Variants in BANF1 observed in about 807,000 individuals in gnomAD.
BANF1 encodes the protein barrier to autointegration nuclear assembly factor 1, also known as barrier-to-autointegration factor.
For missense variants in BANF1, 47 were observed against 110.4 expected, an observed-to-expected ratio of 0.43 and a Z score of 2.57; for synonymous variants, 49 against 43.7, an observed-to-expected ratio of 1.12 and a Z score of -0.48.
At chr11:66,003,513 A>T in intron 2 of BANF1, 113 bp from the exon 3 acceptor site, 26 of 1,609,902 alleles carry the variant, frequency 1.6e-5, no homozygotes, top group Non-Finnish European at 2.2e-5. Flanking sequence ...GGGGGGCAAA[A>T]CCCGCGCTGC....
chr11:66,003,185 A>T, intron 1 of BANF1, 50 bp from the exon 2 acceptor site: 1 of 1,600,532 alleles, frequency 6.2e-7, no homozygotes, highest in Non-Finnish European at 8.5e-7. Flanking sequence ...GTGGGCCCTT[A>T]GAAGTTCCAG....
At chr11:66,003,047 A>C in intron 1 of BANF1, 188 bp from the exon 2 acceptor site, 1 of 636,664 alleles carries the variant, frequency 1.6e-6, no homozygotes, top group South Asian at 1.8e-5. Flanking sequence ...CAGGTCCTGC[A>C]GGAAGAAACT....
Position 66,003,664 on chromosome 11 carries a change from A to G in BANF1, c.162A>G (p.Lys54=). The G allele has an allele frequency of 6.2e-7, 1 of 1,614,148 alleles. No individual in the cohort carries two copies. Among genetic ancestry groups the G allele is most frequent in the Non-Finnish European group, 8.5e-7 (1 of 1,180,020 alleles). Residue 54 remains lysine (K), a synonymous_variant, in exon 3 of 3, where the codon AAA becomes AAG. Coordinates refer to ENST00000312175, the MANE Select transcript of BANF1 (RefSeq NM_003860.4). The part of the protein sequence containing the change: ...VVLGQFLVLK[K]DEDLFREWLK... ...TTGGCCAGTTTCTGGTGCTAAAGAA[A>G]GATGAAGACCTCTTCCGGGAATGGC...
chr11:66,003,021 G>C (rs1298688892), intron 1 of BANF1: 1 of 560,042 alleles, frequency 1.8e-6, no homozygotes, highest in Non-Finnish European at 3.2e-6. Context: ...TTTTCCTCTG[G>C]GGCAAGATCA....
chr11:66,003,104 T>C (rs1459429275), intron 1 of BANF1, 131 bp from the exon 2 acceptor site: 1 of 947,922 alleles, frequency 1.1e-6, no homozygotes, highest in Admixed American at 2.0e-5. Context: ...TGTTTTCTCC[T>C]TTCAGGATGA....
At chr11:66,003,185 A>G in intron 1 of BANF1, 50 bp from the exon 2 acceptor site, 2 of 1,600,536 alleles carry the variant, frequency 1.2e-6, no homozygotes, top group Non-Finnish European at 1.7e-6. Flanking sequence ...GTGGGCCCTT[A>G]GAAGTTCCAG....
intron 2 of BANF1, 125 bp from the exon 3 acceptor site, chr11:66,003,501 G>GA (rs1448936567): frequency 5.0e-6 from 8 of 1,608,982 alleles, no homozygotes; most frequent in Middle Eastern, 3.3e-4. Context: ...GTGGAGAGGA[G>GA]AGGGGGGCAA....
chr11:66,004,148 G>C lies in BANF1; in HGVS notation c.*376G>C. The C allele has an allele frequency of 2.9e-6, 1 of 344,464 alleles. No individual in the cohort carries two copies. Among genetic ancestry groups the C allele is most frequent in the Non-Finnish European group, 5.6e-6 (1 of 177,672 alleles). 21.3% of individuals were successfully genotyped at this position (344,464 alleles called of 1,614,324 possible). Reference sequence around the variant, plus strand: ...GATCAATAAAGTCAGTGGCTTTCATGACTGGGCTTTGTGCACTGAAAAGCA... The same window carrying C: ...GATCAATAAAGTCAGTGGCTTTCATCACTGGGCTTTGTGCACTGAAAAGCA... On this transcript the variant is annotated 3_prime_UTR_variant, in exon 3 of 3. Transcript: ENST00000312175.
intron 2 of BANF1, 113 bp from the exon 3 acceptor site, chr11:66,003,513 A>G (rs1195361376): frequency 1.2e-6 from 2 of 1,609,784 alleles, no homozygotes; most frequent in Non-Finnish European, 8.5e-7. Context: ...GGGGGGCAAA[A>G]CCCGCGCTGC....
Position 66,003,322 on chromosome 11 carries a change from T to G in BANF1, c.72T>G (p.Ala24=), listed in dbSNP as rs137937738. 21 of 1,613,234 alleles carry G rather than the reference T, an allele frequency of 1.3e-5. No homozygotes were observed. The African/African-American group carries it at 2.4e-4, about 19-fold the overall frequency. Residue 24 remains alanine (A), a synonymous_variant, in exon 2 of 3, where the codon GCT becomes GCG. Coordinates refer to ENST00000312175, the MANE Select transcript of BANF1 (RefSeq NM_003860.4). The stretch of plus-strand genomic sequence containing the variant: ...GGGAGAAGCCAGTGGGGAGCCTGGC[T>G]GGGATTGGTGAAGTCCTGGGCAAGA... ...PMGEKPVGSL[A]GIGEVLGKKL... is the part of the protein sequence containing the mutation.
rs769171254 is a variant in BANF1, at chr11:66,003,610, T to C, written c.124-16T>C. 1 of 1,614,124 alleles carries C rather than the reference T, an allele frequency of 6.2e-7. No homozygotes were observed. The highest frequency in any genetic ancestry group is 1.1e-5 in the South Asian group (1 of 91,080). ...AGCACTGAGCAGCACGCTCCTTCCTTTTCCCTGTTTTGCAGGCCTATGTTG... is the reference window on the plus strand; with the variant it reads ...AGCACTGAGCAGCACGCTCCTTCCTCTTCCCTGTTTTGCAGGCCTATGTTG... On this transcript the variant is annotated splice_polypyrimidine_tract_variant and intron_variant, in intron 2 of 2. Transcript: ENST00000312175.
rs886048517 is a variant in BANF1 at position 66,003,836 on chromosome 11, T to A, written c.*64T>A. ...GAGTTTGCAGCCGAGTAGGGACTCC[T>A]CCCCTGTCCTCTACGAAGGAAAAGA... On this transcript the variant is annotated 3_prime_UTR_variant, in exon 3 of 3. Transcript: ENST00000312175. The A allele has an allele frequency of 8.7e-6, 14 of 1,605,732 alleles. No individual in the cohort carries two copies. The highest frequency in any genetic ancestry group is 2.0e-4 in the Middle Eastern group (1 of 5,082).
intron 1 of BANF1, 86 bp from the exon 2 acceptor site, chr11:66,003,149 G>C: frequency 2.7e-6 from 4 of 1,463,880 alleles, no homozygotes; most frequent in Non-Finnish European, 3.8e-6. Context: ...CCCCTGGCTT[G>C]GCTTCCTCTT....
rs1013739012 is a variant in BANF1, at chr11:66,003,216, T to A, written c.-16-19T>A. On this transcript the variant is annotated intron_variant, in intron 1 of 2. Coordinates refer to ENST00000312175, the MANE Select transcript of BANF1 (RefSeq NM_003860.4). ...TCCAGGTCTTCAGCCCTAATCTGCC[T>A]TTTTTTTGGGATTCCTAGATTAAGC... 2 of 1,562,200 alleles carry A rather than the reference T, an allele frequency of 1.3e-6. No individual in the cohort carries two copies. Among genetic ancestry groups the A allele is most frequent in the Non-Finnish European group, 8.8e-7 (1 of 1,140,214 alleles).
At position 66,003,797 on chromosome 11, in the gene BANF1, C is replaced by T. The variant is rs1319445310; in HGVS notation, c.*25C>T. 3.7e-6 allele frequency: 6 copies of T among 1,613,738 alleles called. No individual in the cohort carries two copies. In the Admixed American group the frequency reaches 1.0e-4, roughly 27 times the overall value. Reference sequence around the variant, plus strand: ...ATGCTCTCTGGGAAGCTCTCAATCCCCAGCCCTCATCCAGAGTTTGCAGCC... The same window carrying T: ...ATGCTCTCTGGGAAGCTCTCAATCCTCAGCCCTCATCCAGAGTTTGCAGCC... On this transcript the variant is annotated 3_prime_UTR_variant, in exon 3 of 3. Transcript: ENST00000312175.
At position 66,003,234 on chromosome 11, in the gene BANF1, G is replaced by C. The variant is rs777172489; in HGVS notation, c.-16-1G>C. The C allele has an allele frequency of 6.2e-7, 1 of 1,612,652 alleles. No homozygotes were observed. On this transcript the variant is annotated splice_acceptor_variant, in intron 1 of 2. Coordinates refer to ENST00000312175, the MANE Select transcript of BANF1 (RefSeq NM_003860.4). LOFTEE classifies it low-confidence loss of function (5UTR_SPLICE). Reference sequence around the variant, plus strand: ...ATCTGCCTTTTTTTTGGGATTCCTAGATTAAGCCTGATCAAGATGACAACC... The same window carrying C: ...ATCTGCCTTTTTTTTGGGATTCCTACATTAAGCCTGATCAAGATGACAACC...
In BANF1 at chr11:66,003,706, C is replaced by T. The variant is rs140057395; in HGVS notation, c.204C>T (p.Gly68=). Residue 68 remains glycine (G), a synonymous_variant, in exon 3 of 3, where the codon GGC becomes GGT. Coordinates refer to ENST00000312175, the MANE Select transcript of BANF1 (RefSeq NM_003860.4). The stretch of plus-strand genomic sequence containing the variant: ...GGGAATGGCTGAAAGACACTTGTGG[C>T]GCCAACGCCAAGCAGTCCCGGGACT... ...LFREWLKDTC[G]ANAKQSRDCF... is the part of the protein sequence containing the mutation. 6.8e-4 allele frequency: 1,098 copies of T among 1,614,090 alleles called. 10 individuals carry two copies. The African/African-American group carries it at 0.013, about 19-fold the overall frequency.
chr11:66,003,132 A>T (rs1856045661), intron 1 of BANF1, 103 bp from the exon 2 acceptor site: 1 of 1,264,108 alleles, frequency 7.9e-7, no homozygotes, highest in Admixed American at 1.9e-5. Context: ...CGAGCAAGCC[A>T]CTGTAACCCC....
In BANF1 at chr11:66,003,895, G is replaced by T. The variant is rs1463995242; in HGVS notation, c.*123G>T. On this transcript the variant is annotated 3_prime_UTR_variant, in exon 3 of 3. Coordinates refer to ENST00000312175, the MANE Select transcript of BANF1 (RefSeq NM_003860.4). ...GTCGTACTCACCTCCGACGTACTCC[G>T]GGGTCTTTTGGGAGTTTTCTCCCCT... 1.4e-6 allele frequency: 2 copies of T among 1,404,694 alleles called. No homozygotes were observed. Among genetic ancestry groups the T allele is most frequent in the Non-Finnish European group, 2.0e-6 (2 of 1,020,410 alleles). The allele number at this position is 1,404,694 out of a possible 1,614,324, so 87.0% of individuals were successfully genotyped here.
Sources: allele counts gnomAD v4.1 joint callset, GRCh38; gene constraint gnomAD v4.1.1; transcripts MANE v1.5; gene names NCBI Gene and HGNC (gene_info 2026-07-23, HGNC 2026-07-21).